Variants in TRPM3 observed in about 807,000 individuals in gnomAD.
TRPM3 encodes the protein long transient receptor potential channel 3.
In TRPM3, 77 loss-of-function variants were observed where a neutral mutation model predicts 181.2. That is an observed-to-expected ratio of 0.42 (90% confidence interval 0.35 to 0.51). The LOEUF is 0.51. TRPM3 is among the 20% of genes least tolerant of loss of function. The probability of loss-of-function intolerance (pLI) is 0.01; values close to 1 mark genes in which losing one functional copy is unlikely to be tolerated. For synonymous variants in TRPM3, 745 were observed against 796.4 expected, an observed-to-expected ratio of 0.94 and a Z score of 1.09; for missense variants, 1,759 against 2,196.7, an observed-to-expected ratio of 0.80 and a Z score of 3.98.
upstream of TRPM3, among the ~76,000 whole-genome samples, chr9:71,124,586 C>T (rs1266879015): frequency 6.6e-6 from 1 of 152,136 alleles, no homozygotes; most frequent in Non-Finnish European, 1.5e-5. Context: ...ATTATCTTCC[C>T]TTTTTATTTT....
chr9:71,241,038 T>C (rs374057907), intron 1 of TRPM3, among the ~76,000 whole-genome samples: 1 of 152,308 alleles, frequency 6.6e-6, no homozygotes, highest in African/African-American at 2.4e-5. Flanking sequence ...ATAAAAAGCT[T>C]TTAAAATGCT....
intron 1 of TRPM3, among the ~76,000 whole-genome samples, chr9:71,239,644 G>A (rs1286642282): frequency 1.3e-5 from 2 of 152,114 alleles, no homozygotes; most frequent in African/African-American, 2.4e-5. Flanking sequence ...TTCATGTGAT[G>A]TAAACTCAGA....
intron 1 of TRPM3, among the ~76,000 whole-genome samples, chr9:71,425,351 T>A (rs1359004478): frequency 6.6e-6 from 1 of 152,170 alleles, no homozygotes; most frequent in Non-Finnish European, 1.5e-5. Context: ...GTTCAAAACT[T>A]GGCCTTTGGC....
At chr9:70,548,347 G>T (rs189796027) in intron 25 of TRPM3, among the ~76,000 whole-genome samples, 98 of 152,254 alleles carry the variant, frequency 6.4e-4, no homozygotes, top group Non-Finnish European at 1.2e-3. Context: ...ATTAGTATTG[G>T]CTGAGTACCG....
chr9:71,334,742 T>A (rs1284940574), intron 1 of TRPM3, among the ~76,000 whole-genome samples: 1 of 152,170 alleles, frequency 6.6e-6, no homozygotes, highest in Non-Finnish European at 1.5e-5. Flanking sequence ...CATTTAGTTA[T>A]GAAATCTGAT....
chr9:71,106,207 A>G (rs113706228), intron 1 of TRPM3, among the ~76,000 whole-genome samples: 8 of 152,290 alleles, frequency 5.3e-5, no homozygotes, highest in African/African-American at 1.9e-4. Flanking sequence ...CCTTTTGCTC[A>G]GTGATACGCC....
Position 70,537,121 on chromosome 9 carries a change from C to T in TRPM3, c.3992G>A (p.Gly1331Asp), listed in dbSNP as rs145923560. 1.4e-4 allele frequency: 228 copies of T among 1,607,848 alleles called. No individual in the cohort carries two copies. The African/African-American group carries it at 2.6e-3, about 18-fold the overall frequency. Residue 1331 changes from glycine to aspartate, a missense_variant, in exon 26 of 26, where the codon GGT (glycine) becomes GAT (aspartate). Gly to Asp is a moderately conservative substitution (Grantham distance 94). Transcript: ENST00000677713. Reference sequence around the variant, plus strand: ...AGAAGTTGGGGACATGGTCTCCTCACCTGCAGGGTCTATACTCTCTTGGAG... The same window carrying T: ...AGAAGTTGGGGACATGGTCTCCTCATCTGCAGGGTCTATACTCTCTTGGAG... ...FKLQESIDPA[G>D]EETMSPTSPT...
intron 1 of TRPM3, among the ~76,000 whole-genome samples, chr9:71,069,958 T>C (rs1467586547): frequency 6.6e-6 from 1 of 152,174 alleles, no homozygotes; most frequent in Admixed American, 6.5e-5. Flanking sequence ...TCAACACCAA[T>C]CTGTTCTGAG....
At chr9:71,199,303 A>G (rs11560634) in intron 1 of TRPM3, among the ~76,000 whole-genome samples, 64,811 of 151,556 alleles carry the variant, frequency 0.43, 14,278 homozygotes, top group East Asian at 0.52. Context: ...TTTTGCATCA[A>G]TATTCATCAA....
intron 17 of TRPM3, 28 bp from the exon 18 acceptor site, chr9:70,616,103 T>TAATC: frequency 6.7e-7 from 1 of 1,482,344 alleles, no homozygotes; most frequent in Admixed American, 2.2e-5. Context: ...ATAATAATAA[T>TAATC]AATCACATTT....
intron 3 of TRPM3, among the ~76,000 whole-genome samples, chr9:70,853,663 C>T (rs2095306125): frequency 6.6e-6 from 1 of 152,172 alleles, no homozygotes. Context: ...CTAATTCTTA[C>T]ACAAAGGAAC....
chr9:70,635,087 CT>C, intron 12 of TRPM3, 123 bp downstream of exon 12: 1 of 720,992 alleles, frequency 1.4e-6, no homozygotes, highest in Non-Finnish European at 2.3e-6. Flanking sequence ...ACACACTGTT[CT>C]GAAATGAGTG....
At chr9:70,952,347 A>G (rs1271040929) in intron 1 of TRPM3, among the ~76,000 whole-genome samples, 1 of 152,200 alleles carries the variant, frequency 6.6e-6, no homozygotes, top group East Asian at 1.9e-4. Context: ...GGACTTTGGT[A>G]ATGACCAAAA....
chr9:71,002,049 C>T (rs1323026760), intron 1 of TRPM3, among the ~76,000 whole-genome samples: 1 of 152,184 alleles, frequency 6.6e-6, no homozygotes, highest in Non-Finnish European at 1.5e-5. Context: ...GATTTGCTGC[C>T]TACCTTTCTA....
chr9:70,794,694 C>T (rs1243561538), intron 6 of TRPM3, among the ~76,000 whole-genome samples: 3 of 152,156 alleles, frequency 2.0e-5, no homozygotes, highest in African/African-American at 2.4e-5. Flanking sequence ...TGCTGGCTCC[C>T]GTCGACTCCC....
intron 1 of TRPM3, among the ~76,000 whole-genome samples, chr9:71,397,910 G>A (rs1387140769): frequency 6.6e-6 from 1 of 151,728 alleles, no homozygotes; most frequent in Non-Finnish European, 1.5e-5. Flanking sequence ...CAAATATAAT[G>A]GACTTTTTCC....
chr9:71,405,508 A>AT (rs2093420851), intron 1 of TRPM3, among the ~76,000 whole-genome samples: 1 of 152,080 alleles, frequency 6.6e-6, no homozygotes, highest in South Asian at 2.1e-4. Flanking sequence ...CATACACATG[A>AT]TTTTTTCCTT....
chr9:70,568,748 C>T (rs756313218), intron 22 of TRPM3, among the ~76,000 whole-genome samples: 1 of 152,208 alleles, frequency 6.6e-6, no homozygotes, highest in Non-Finnish European at 1.5e-5. Context: ...TGCTATTTCT[C>T]AAGGTGTGAA....
chr9:71,401,487 T>C (rs938224153), intron 1 of TRPM3, among the ~76,000 whole-genome samples: 1 of 152,072 alleles, frequency 6.6e-6, no homozygotes, highest in Non-Finnish European at 1.5e-5. Flanking sequence ...GTGTTTTAAA[T>C]TAGGTAAAAG....
Sources: allele counts gnomAD v4.1 joint callset (sites outside exome capture counted in the v4.1 genomes callset), GRCh38; gene constraint gnomAD v4.1.1; transcripts MANE v1.5; gene names NCBI Gene and HGNC (gene_info 2026-07-23, HGNC 2026-07-21).